Variants in NLRP1 observed in about 807,000 individuals in gnomAD.
The protein encoded by NLRP1 is NLR family pyrin domain containing 1.
Under a neutral mutation model 136.7 loss-of-function variants are expected in NLRP1, and 94 were observed. The observed-to-expected ratio is 0.69, with a 90% CI of 0.58 to 0.82. NLRP1 has a LOEUF of 0.82. Among genes scored for constraint, NLRP1 ranks in the 40% least tolerant of loss-of-function variants. NLRP1 has a pLI of 0.00. For synonymous variants in NLRP1, 690 were observed against 725.1 expected (o/e 0.95, Z 0.78); for missense variants, 1,575 against 1,802.7 (o/e 0.87, Z 2.29).
chr17:5,527,567 G>C (rs1909717456), intron 12 of NLRP1, among the ~76,000 whole-genome samples: 1 of 152,174 alleles, frequency 6.6e-6, no homozygotes, highest in Non-Finnish European at 1.5e-5. Flanking sequence ...CTCGGCTTCA[G>C]TTTCCTCACT....
At chr17:5,554,718 C>T (rs1051547365) in intron 4 of NLRP1, among the ~76,000 whole-genome samples, 4 of 152,104 alleles carry the variant, frequency 2.6e-5, no homozygotes, top group African/African-American at 4.8e-5. Flanking sequence ...AGTACAAGTA[C>T]TACAAACATA....
At chr17:5,501,799 G>T in exon 16 of NLRP1, 1 of 1,610,574 alleles carries the variant, frequency 6.2e-7, no homozygotes, top group South Asian at 1.1e-5. Context: ...TGGTACTGCC[G>T]CAGGCTGCTG....
chr17:5,530,695 G>T lies in NLRP1; in HGVS notation c.3306C>A (p.Phe1102Leu). The change falls in exon 12 of 17, where the codon TTC becomes TTA. Residue 1102 changes from phenylalanine (F) to leucine (L), a missense_variant. Transcript: ENST00000572272. ...GCCAGCGGTAGGAGCCAGCTACAGG[G>T]AAGTGAACTCTGGGAAGAAGAGGGA... The part of the protein sequence containing the change: ...DKEKNLYRVH[F>L]PVAGSYRWPN... 1 of 1,613,738 alleles carries T rather than the reference G, an allele frequency of 6.2e-7. No homozygotes were observed.
intron 15 of NLRP1, among the ~76,000 whole-genome samples, chr17:5,506,793 T>C (rs1907359051): frequency 6.6e-6 from 1 of 150,376 alleles, no homozygotes; most frequent in Admixed American, 6.6e-5. Flanking sequence ...TCCCAGCTAC[T>C]TGGGAGGCTG....
At chr17:5,543,513 G>A (rs943667610) in intron 5 of NLRP1, among the ~76,000 whole-genome samples, 5 of 152,126 alleles carry the variant, frequency 3.3e-5, no homozygotes, top group African/African-American at 1.2e-4. Flanking sequence ...TTTCCCTGTG[G>A]CAGTGATGAG....
At chr17:5,533,869 T>C (rs200468148) in intron 9 of NLRP1, 28 bp downstream of exon 9, 21 of 1,485,496 alleles carry the variant, frequency 1.4e-5, no homozygotes, top group East Asian at 2.3e-5. Context: ...CCTGTCACGA[T>C]GCTCCCAGCC....
At chr17:5,519,202 C>CTGTTAGCCAG (rs1334360382) in intron 14 of NLRP1, among the ~76,000 whole-genome samples, 1 of 151,952 alleles carries the variant, frequency 6.6e-6, no homozygotes, top group African/African-American at 2.4e-5. Context: ...TGGGGTTTCA[C>CTGTTAGCCAG]TGTGTTAGCC....
Position 5,526,659 on chromosome 17 carries a change from T to C in NLRP1, c.3520+3822A>G, listed in dbSNP as rs185267737. 1.3e-4 allele frequency among the ~76,000 whole-genome samples: 20 copies of C among 152,314 alleles called. No individual in the cohort carries two copies. The East Asian group carries it at 3.9e-3, about 29-fold the overall frequency. On this transcript the variant is annotated intron_variant, in intron 12 of 16. Transcript: ENST00000572272. ...GACCCGAAGGACAAGGCCAGCTTCA[T>C]GGATGTGTGGCCTGTGCAGTCACAC... is the stretch of plus-strand genomic sequence containing the variant.
chr17:5,534,116 C>T, intron 8 of NLRP1, 128 bp from the exon 9 acceptor site: 1 of 751,754 alleles, frequency 1.3e-6, no homozygotes, highest in Non-Finnish European at 2.4e-6. Flanking sequence ...AATCCTCGCA[C>T]TTTGGGAGGC....
chr17:5,544,955 G>A (rs922522921), intron 5 of NLRP1, among the ~76,000 whole-genome samples: 3 of 152,140 alleles, frequency 2.0e-5, no homozygotes, highest in East Asian at 1.9e-4. Flanking sequence ...TATGGGAGCG[G>A]CTGTGTGTGA....
intron 3 of NLRP1, among the ~76,000 whole-genome samples, chr17:5,569,808 G>A (rs554970359): frequency 6.6e-6 from 1 of 152,186 alleles, no homozygotes; most frequent in South Asian, 2.1e-4. Flanking sequence ...CCAAACAACA[G>A]AATATATATT....
At chr17:5,551,260 A>G (rs1277240071) in intron 5 of NLRP1, among the ~76,000 whole-genome samples, 2 of 152,194 alleles carry the variant, frequency 1.3e-5, no homozygotes, top group Admixed American at 1.3e-4. Flanking sequence ...CTCTTCCAGA[A>G]TGTCATATAG....
intron 3 of NLRP1, among the ~76,000 whole-genome samples, chr17:5,576,898 A>G (rs1905081569): frequency 6.6e-6 from 1 of 152,202 alleles, no homozygotes; most frequent in South Asian, 2.1e-4. Flanking sequence ...CAGCACATCA[A>G]AAAGCTTATC....
chr17:5,542,174 A>G (rs1911949186), intron 5 of NLRP1, 147 bp from the exon 6 acceptor site: 5 of 673,864 alleles, frequency 7.4e-6, no homozygotes, highest in Non-Finnish European at 1.2e-5. Flanking sequence ...AGAAATGCAC[A>G]TGGTACTTGG....
At chr17:5,515,139 CCT>C in intron 16 of NLRP1, 66 bp from the exon 17 acceptor site, 1 of 1,406,852 alleles carries the variant, frequency 7.1e-7, no homozygotes, top group South Asian at 1.2e-5. Flanking sequence ...TCAGTGCTTT[CCT>C]CTCTCATCTC....
At position 5,584,106 on chromosome 17, in the gene NLRP1, A is replaced by G; in HGVS notation, c.-149T>C. The G allele has an allele frequency of 1.3e-6, 1 of 747,728 alleles. No homozygotes were observed. Among genetic ancestry groups the G allele is most frequent in the Non-Finnish European group, 2.1e-6 (1 of 470,760 alleles). 46.3% of individuals were successfully genotyped at this position (747,728 alleles called of 1,614,324 possible). ...CAGTTTTATAAATCCCAGGGCACCT[A>G]CAGATAGACGCCGATAGAGGGGGAG... On this transcript the variant is annotated 5_prime_UTR_variant, in exon 1 of 17. Transcript: ENST00000572272.
intron 1 of NLRP1, 43 bp from the exon 2 acceptor site, chr17:5,582,889 C>G (rs1372602227): frequency 6.6e-7 from 1 of 1,511,536 alleles, no homozygotes; most frequent in East Asian, 2.3e-5. Flanking sequence ...ATCAGAGGGG[C>G]AGGGGCAAGG....
In NLRP1 at chr17:5,582,654, C is replaced by A. The variant is rs77881492; in HGVS notation, c.448+16G>T. The stretch of plus-strand genomic sequence containing the variant: ...AGCTCCACCCAGGGCTGTCAGCCTG[C>A]CTCAGCAAGCCTCACCTCTCCAGCG... On this transcript the variant is annotated intron_variant, in intron 2 of 16. Coordinates refer to ENST00000572272, the MANE Select transcript of NLRP1 (RefSeq NM_033004.4). 3.6e-3 allele frequency: 5,883 copies of A among 1,613,222 alleles called. 158 individuals are homozygous for A. The African/African-American group carries it at 0.063, about 17-fold the overall frequency.
downstream of NLRP1, among the ~76,000 whole-genome samples, chr17:5,513,160 T>G (rs2151730844): frequency 6.6e-6 from 1 of 152,368 alleles, no homozygotes; most frequent in East Asian, 1.9e-4. Context: ...TAAAAATCTC[T>G]CTTATTAAAA....
Sources: gnomAD v4.1 joint callset for allele counts (sites outside exome capture counted in the v4.1 genomes callset) on GRCh38, gnomAD v4.1.1 for gene constraint, MANE v1.5 for transcripts, NCBI Gene and HGNC (gene_info 2026-07-23, HGNC 2026-07-21) for gene names.